SLC4A4: variants seen among roughly 807,000 people sequenced by gnomAD.
SLC4A4 encodes the protein solute carrier family 4 member 4, also known as electrogenic sodium bicarbonate cotransporter 1.
SLC4A4 carries 27 observed loss-of-function variants against 111.5 expected under a neutral mutation model. That is an observed-to-expected ratio of 0.24 (90% confidence interval 0.18 to 0.33). The LOEUF (loss-of-function observed/expected upper bound fraction) is 0.33. Ranked by LOEUF, SLC4A4 falls within the 10% of genes least tolerant of loss-of-function variation. SLC4A4 has a pLI of 1.00. For missense variants in SLC4A4, 909 were observed against 1,315.5 expected (o/e 0.69, Z 4.78); for synonymous variants, 443 against 463.4 (o/e 0.96, Z 0.57).
intron 2 of SLC4A4, among the ~76,000 whole-genome samples, chr4:71,254,860 A>G (rs963028311): frequency 2.6e-5 from 4 of 152,124 alleles, no homozygotes; most frequent in African/African-American, 9.7e-5. Context: ...AAATGATGAG[A>G]GGCCCAGAGT....
At chr4:71,395,905 T>C (rs1719782258) in intron 6 of SLC4A4, among the ~76,000 whole-genome samples, 1 of 152,244 alleles carries the variant, frequency 6.6e-6, no homozygotes, top group African/African-American at 2.4e-5. Flanking sequence ...TTTAGGATTG[T>C]ATAATTCAGA....
chr4:71,203,121 T>C (rs1357906061), intron 1 of SLC4A4, among the ~76,000 whole-genome samples: 3 of 152,064 alleles, frequency 2.0e-5, no homozygotes, highest in African/African-American at 7.3e-5. Context: ...TGTGTAAAAA[T>C]GTATTAATGT....
chr4:71,181,813 C>A (rs2148988265), intron 2 of SLC4A4, among the ~76,000 whole-genome samples: 1 of 152,300 alleles, frequency 6.6e-6, no homozygotes, highest in Admixed American at 6.5e-5. Context: ...GACCCCCCCA[C>A]TTGAAAGCAG....
At chr4:71,310,707 G>A (rs536289965) in intron 3 of SLC4A4, among the ~76,000 whole-genome samples, 67 of 152,232 alleles carry the variant, frequency 4.4e-4, no homozygotes, top group African/African-American at 1.4e-3. Flanking sequence ...AAGAAAAATC[G>A]GTACTAGCCA....
At chr4:71,436,958 C>T (rs4437221) in intron 7 of SLC4A4, 64,982 of 312,510 alleles carry the variant, frequency 0.21, 8,360 homozygotes, top group South Asian at 0.42. Flanking sequence ...AAAATGTTTA[C>T]TGTTGTTTTC....
chr4:71,356,002 A>G (rs977264061), intron 5 of SLC4A4, among the ~76,000 whole-genome samples: 1 of 152,236 alleles, frequency 6.6e-6, no homozygotes, highest in Non-Finnish European at 1.5e-5. Flanking sequence ...CAAAAGGTCT[A>G]CTTGCATACC....
At chr4:71,131,023 G>A (rs781603560) in intron 2 of SLC4A4, among the ~76,000 whole-genome samples, 2 of 152,144 alleles carry the variant, frequency 1.3e-5, no homozygotes, top group Non-Finnish European at 2.9e-5. Context: ...TCAAGTGAGT[G>A]ATACATGCTA....
chr4:71,491,413 T>G (rs1248555650), intron 15 of SLC4A4, among the ~76,000 whole-genome samples: 2 of 151,954 alleles, frequency 1.3e-5, no homozygotes, highest in Non-Finnish European at 2.9e-5. Flanking sequence ...AAATTGACTC[T>G]CAGGCTACTG....
chr4:71,171,525 G>A (rs1022232735), intron 2 of SLC4A4, among the ~76,000 whole-genome samples: 9 of 152,128 alleles, frequency 5.9e-5, no homozygotes, highest in African/African-American at 9.7e-5. Context: ...GTTTCCATGG[G>A]AATTAGGACA....
chr4:71,491,009 A>G (rs1395150736), intron 15 of SLC4A4, among the ~76,000 whole-genome samples: 1 of 136,136 alleles, frequency 7.3e-6, no homozygotes, highest in African/African-American at 2.5e-5. Flanking sequence ...TCCTCATCTT[A>G]ATGGTGAGTT....
At chr4:71,371,770 A>G (rs1301801682) in intron 6 of SLC4A4, among the ~76,000 whole-genome samples, 2 of 152,174 alleles carry the variant, frequency 1.3e-5, no homozygotes, top group African/African-American at 2.4e-5. Flanking sequence ...TCTACATAAA[A>G]AAAAGCCTTC....
chr4:71,306,592 A>C (rs1471179522), intron 3 of SLC4A4, among the ~76,000 whole-genome samples: 1 of 152,206 alleles, frequency 6.6e-6, no homozygotes, highest in Non-Finnish European at 1.5e-5. Context: ...AAAAAAAAAA[A>C]TCATAATAAT....
upstream of SLC4A4, among the ~76,000 whole-genome samples, chr4:71,184,304 G>A (rs1194029537): frequency 6.6e-6 from 1 of 152,038 alleles, no homozygotes; most frequent in African/African-American, 2.4e-5. Flanking sequence ...GCCTATAAGC[G>A]ACCAGAAATG....
chr4:71,171,621 C>T lies in SLC4A4; in HGVS notation c.-1-64955C>T, dbSNP rs75585530. 2.9e-3 allele frequency among the ~76,000 whole-genome samples: 442 copies of T among 152,206 alleles called. 2 individuals are homozygous for T. The highest frequency in any genetic ancestry group is 0.01 in the African/African-American group (426 of 41,522). On this transcript the variant is annotated intron_variant, in intron 2 of 26. Coordinates refer to the SLC4A4 transcript ENST00000649996. ...GCTTAAACTTTTTTAGTATTACGTG[C>T]GGTGACTTCCATTTGCTTTGACTGG...
At chr4:71,484,890 C>T (rs1014070934) in intron 14 of SLC4A4, among the ~76,000 whole-genome samples, 1 of 151,716 alleles carries the variant, frequency 6.6e-6, no homozygotes. Context: ...TAGCTGTATT[C>T]CCTAGGCATT....
intron 3 of SLC4A4, among the ~76,000 whole-genome samples, chr4:71,313,685 A>C (rs1173568897): frequency 1.3e-5 from 2 of 152,218 alleles, no homozygotes; most frequent in Non-Finnish European, 1.5e-5. Flanking sequence ...TTCCCTATTT[A>C]ATAAACGGTG....
intron 7 of SLC4A4, among the ~76,000 whole-genome samples, chr4:71,409,500 T>G (rs1305964924): frequency 6.6e-6 from 1 of 152,184 alleles, no homozygotes; most frequent in African/African-American, 2.4e-5. Context: ...AACTTTGAAC[T>G]TGAGAGAGGT....
intron 23 of SLC4A4, 124 bp downstream of exon 23, chr4:71,560,378 G>A: frequency 9.0e-7 from 1 of 1,107,142 alleles, no homozygotes; most frequent in Non-Finnish European, 1.3e-6. Flanking sequence ...GACATGTGGT[G>A]TATTACTCAT....
At chr4:71,472,420 A>T (rs1209988072) in intron 13 of SLC4A4, among the ~76,000 whole-genome samples, 3 of 151,922 alleles carry the variant, frequency 2.0e-5, no homozygotes, top group African/African-American at 7.2e-5. Context: ...GAAGGTAGGG[A>T]CCATATTTTT....
Sources: allele counts gnomAD v4.1 joint callset (sites outside exome capture counted in the v4.1 genomes callset), GRCh38; gene constraint gnomAD v4.1.1; transcripts MANE v1.5; gene names NCBI Gene and HGNC (gene_info 2026-07-23, HGNC 2026-07-21).